Variants in HUNK observed in about 807,000 individuals in gnomAD.
HUNK encodes hormonally up-regulated neu tumor-associated kinase.
A neutral mutation model predicts 61.0 loss-of-function variants in HUNK; 21 were observed. The observed-to-expected ratio is 0.34, with a 90% CI of 0.24 to 0.50. The LOEUF (loss-of-function observed/expected upper bound fraction) is 0.50, where lower values mean the gene tolerates loss of function less well. HUNK is among the 20% of genes least tolerant of loss of function. The pLI, the probability that HUNK is intolerant of heterozygous loss-of-function variation, is 0.98. For missense variants in HUNK, 772 were observed against 945.7 expected (o/e 0.82, Z 2.41); for synonymous variants, 371 against 386.1 (o/e 0.96, Z 0.46).
At chr21:31,966,448 A>G (rs2052966866) in intron 5 of HUNK, among the ~76,000 whole-genome samples, 1 of 152,192 alleles carries the variant, frequency 6.6e-6, no homozygotes, top group Non-Finnish European at 1.5e-5. Flanking sequence ...GATACCCAGT[A>G]GAGACTACCC....
chr21:31,954,176 T>C (rs1317885086), intron 4 of HUNK, among the ~76,000 whole-genome samples: 2 of 152,152 alleles, frequency 1.3e-5, no homozygotes, highest in Non-Finnish European at 2.9e-5. Flanking sequence ...GGGGTTGTCC[T>C]CCCATTATCA....
intron 1 of HUNK, among the ~76,000 whole-genome samples, chr21:31,923,574 CG>C (rs2052638680): frequency 3.2e-5 from 2 of 62,994 alleles, no homozygotes; most frequent in Non-Finnish European, 5.8e-5. Context: ...AGGAAGGAAG[CG>C]AGGGAGGGAG....
At chr21:31,951,351 A>C (rs1228982994) in intron 4 of HUNK, among the ~76,000 whole-genome samples, 1 of 152,144 alleles carries the variant, frequency 6.6e-6, no homozygotes, top group Admixed American at 6.5e-5. Flanking sequence ...ATTTATAACA[A>C]CTTTAATGCA....
At chr21:31,883,995 T>C (rs1331714040) in intron 1 of HUNK, among the ~76,000 whole-genome samples, 1 of 152,178 alleles carries the variant, frequency 6.6e-6, no homozygotes, top group East Asian at 1.9e-4. Context: ...ATGCCTGGAT[T>C]GCAAGGGAGA....
intron 2 of HUNK, among the ~76,000 whole-genome samples, chr21:31,933,078 GC>G (rs1447232781): frequency 3.3e-5 from 5 of 151,734 alleles, no homozygotes; most frequent in Non-Finnish European, 5.9e-5. Flanking sequence ...ACCACACCTG[GC>G]TAATTTTTTT....
chr21:31,986,256 A>T (rs768829789), intron 8 of HUNK, among the ~76,000 whole-genome samples: 9 of 151,938 alleles, frequency 5.9e-5, no homozygotes, highest in Non-Finnish European at 1.3e-4. Context: ...CAGCAGTGCA[A>T]GGAAGAAACC....
At chr21:31,958,254 G>A (rs1009846149) in intron 4 of HUNK, among the ~76,000 whole-genome samples, 19 of 151,618 alleles carry the variant, frequency 1.3e-4, no homozygotes, top group Admixed American at 6.6e-5. Flanking sequence ...GTCCCCTTCC[G>A]GGTCTTCACA....
At chr21:31,963,789 C>T (rs1409669773) in intron 5 of HUNK, among the ~76,000 whole-genome samples, 1 of 147,976 alleles carries the variant, frequency 6.8e-6, no homozygotes, top group Admixed American at 6.7e-5. Flanking sequence ...GGGTACTGCA[C>T]CTGGCCCTGT....
chr21:31,900,926 A>C (rs2052462577), intron 1 of HUNK, among the ~76,000 whole-genome samples: 1 of 152,072 alleles, frequency 6.6e-6, no homozygotes, highest in Non-Finnish European at 1.5e-5. Flanking sequence ...GAAGTTCAAA[A>C]TCAAGTTGCA....
chr21:32,002,158 T>TTGGC lies in HUNK; in HGVS notation c.*2975_*2976insGGCT. ...CTGGAGTGCAGTGGCACAATCACAGTTCACTGCAGCCTCAACCTCTCCAGA... is the reference window on the plus strand; with the variant it reads ...CTGGAGTGCAGTGGCACAATCACAGTTGGCTCACTGCAGCCTCAACCTCTCCAGA... On this transcript the variant is annotated 3_prime_UTR_variant, in exon 11 of 11. Transcript: ENST00000270112. 1 of 152,638 alleles carries TTGGC rather than the reference T, an allele frequency of 6.6e-6. No homozygotes were observed. The highest frequency in any genetic ancestry group is 1.5e-5 in the Non-Finnish European group (1 of 68,108). 9.5% of individuals were successfully genotyped at this position (152,638 alleles called of 1,614,324 possible). A position where few individuals can be genotyped will look rare whatever the true frequency, so the allele number is the denominator to read the frequency against.
intron 1 of HUNK, among the ~76,000 whole-genome samples, chr21:31,889,035 A>G (rs1018773401): frequency 1.3e-5 from 2 of 152,106 alleles, no homozygotes; most frequent in East Asian, 1.9e-4. Context: ...TGAAAAATCT[A>G]CTGGAGGGGA....
intron 1 of HUNK, among the ~76,000 whole-genome samples, chr21:31,923,553 A>AGAAG (rs1330886959): frequency 4.7e-5 from 6 of 126,664 alleles, no homozygotes; most frequent in East Asian, 5.6e-4. Context: ...AAGGAAGGAA[A>AGAAG]GAAGGAAGGA....
intron 7 of HUNK, among the ~76,000 whole-genome samples, chr21:31,979,512 ATTCTTTTTTTTTTTTTTT>A (rs2053077951): frequency 1.0e-5 from 1 of 99,508 alleles, no homozygotes; most frequent in Non-Finnish European, 2.0e-5. Flanking sequence ...AGTTGTTTGC[ATTCTTTTTTTTTTTTTTT>A]TTTTTTTTTT....
At chr21:31,969,575 T>G (rs1180681621) in intron 6 of HUNK, among the ~76,000 whole-genome samples, 1 of 151,920 alleles carries the variant, frequency 6.6e-6, no homozygotes, top group East Asian at 1.9e-4. Context: ...TTTTTCTTTT[T>G]TTTTTTTTTG....
At chr21:31,941,057 T>G (rs1427143475) in intron 3 of HUNK, among the ~76,000 whole-genome samples, 2 of 152,200 alleles carry the variant, frequency 1.3e-5, no homozygotes, top group African/African-American at 2.4e-5. Flanking sequence ...CATCACAAGA[T>G]TCTCCAAAAC....
intron 8 of HUNK, among the ~76,000 whole-genome samples, chr21:31,984,663 A>G (rs1318147412): frequency 1.3e-5 from 2 of 152,188 alleles, no homozygotes; most frequent in African/African-American, 4.8e-5. Flanking sequence ...AGATCCAGGG[A>G]GGGGGCCAGG....
chr21:31,958,800 AG>A, intron 4 of HUNK, 42 bp from the exon 5 acceptor site: 2 of 1,527,880 alleles, frequency 1.3e-6, no homozygotes, highest in Non-Finnish European at 8.8e-7. Flanking sequence ...TCCCCTCCCC[AG>A]GGGACCTGAC....
At chr21:31,949,351 C>G (rs1188250408) in intron 4 of HUNK, among the ~76,000 whole-genome samples, 1 of 152,142 alleles carries the variant, frequency 6.6e-6, no homozygotes, top group Admixed American at 6.5e-5. Context: ...TCAACACAGC[C>G]CCTCCCGGCA....
At position 31,999,497 on chromosome 21, in the gene HUNK, T is replaced by C. The variant is rs1267080394; in HGVS notation, c.*313T>C. On this transcript the variant is annotated 3_prime_UTR_variant, in exon 11 of 11. Coordinates refer to ENST00000270112, the MANE Select transcript of HUNK (RefSeq NM_014586.2). ...TGGGGGGAAAACAGGGCATGAGCCT[T>C]CTGGGGCACTCAGATTATGGACTGT... 2.9e-6 allele frequency: 1 copy of C among 341,562 alleles called. No individual in the cohort carries two copies. The highest frequency in any genetic ancestry group is 5.3e-6 in the Non-Finnish European group (1 of 187,950). The allele number at this position is 341,562 out of a possible 1,614,324, so 21.2% of individuals were successfully genotyped here. A position where few individuals can be genotyped will look rare whatever the true frequency, so the allele number is the denominator to read the frequency against.
Sources: allele counts gnomAD v4.1 joint callset (sites outside exome capture counted in the v4.1 genomes callset), GRCh38; gene constraint gnomAD v4.1.1; transcripts MANE v1.5; gene names NCBI Gene and HGNC (gene_info 2026-07-23, HGNC 2026-07-21).